The following GPN1 variants were observed in gnomAD, a reference collection of about 807,000 sequenced individuals.
GPN1 encodes the protein ATP(GTP)-binding protein.
A neutral mutation model predicts 55.9 loss-of-function variants in GPN1; 44 were observed. That is an observed-to-expected ratio of 0.79 (90% confidence interval 0.62 to 1.01). The LOEUF is 1.01. Ranked by LOEUF, GPN1 falls within the 50% of genes least tolerant of loss-of-function variation. The probability of loss-of-function intolerance (pLI) is 0.00; values close to 1 mark genes in which losing one functional copy is unlikely to be tolerated. For missense variants in GPN1, 466 were observed against 462.8 expected (o/e 1.01, Z -0.06); for synonymous variants, 179 against 162.5 (o/e 1.10, Z -0.77).
intron 9 of GPN1, 27 bp from the exon 10 acceptor site, chr2:27,640,016 A>T (rs1298717692): frequency 7.3e-7 from 1 of 1,377,470 alleles, no homozygotes; most frequent in Non-Finnish European, 1.0e-6. Flanking sequence ...TGGTTTCTTT[A>T]GTGGCATTTA....
At chr2:27,647,748 C>T in intron 12 of GPN1, 88 bp from the exon 13 acceptor site, 1 of 762,308 alleles carries the variant, frequency 1.3e-6, no homozygotes, top group Non-Finnish European at 2.3e-6. Context: ...TGAGCACTTT[C>T]ATCCTGCCAG....
chr2:27,639,033 T>C lies in GPN1; in HGVS notation c.717+2T>C, dbSNP rs774431430. On this transcript the variant is annotated splice_donor_variant, in intron 9 of 13. Coordinates refer to ENST00000610189, the MANE Select transcript of GPN1 (RefSeq NM_007266.4). LOFTEE classifies it high-confidence loss of function. ...GATGAGTTTTACAGCTCACTCAGGG[T>C]AAATTTTCTCTCCTGCTCACACTGA... The C allele has an allele frequency of 6.2e-7, 1 of 1,604,838 alleles. No individual in the cohort carries two copies.
Position 27,635,204 on chromosome 2 carries a change from C to A in GPN1, c.494C>A (p.Thr165Asn). 6.3e-7 allele frequency: 1 copy of A among 1,597,648 alleles called. No individual in the cohort carries two copies. The highest frequency in any genetic ancestry group is 8.6e-7 in the Non-Finnish European group (1 of 1,165,404). The change falls in exon 7 of 14, where the codon ACC (threonine) becomes AAC (asparagine). Residue 165 changes from threonine (T) to asparagine (N), a missense_variant. Thr to Asn is a moderately conservative substitution (Grantham distance 65). Transcript: ENST00000610189. ...MDTSRSTNPV[T>N]FMSNMLYACS... ...ACATCGAGAAGTACCAACCCAGTGA[C>A]CTTCATGTCCAACATGCTCTATGCC... is the stretch of plus-strand genomic sequence containing the variant.
At chr2:27,638,826 A>G in intron 8 of GPN1, 59 bp from the exon 9 acceptor site, 1 of 1,427,990 alleles carries the variant, frequency 7.0e-7, no homozygotes, top group Non-Finnish European at 9.6e-7. Context: ...CTTAATTAAA[A>G]GAATAAATTT....
intron 11 of GPN1, among the ~76,000 whole-genome samples, chr2:27,641,521 T>C (rs1406979682): frequency 6.6e-6 from 1 of 152,234 alleles, no homozygotes; most frequent in Non-Finnish European, 1.5e-5. Context: ...GTCTCCTTAA[T>C]GTTTCTTCCC....
intron 11 of GPN1, 61 bp from the exon 12 acceptor site, chr2:27,642,368 G>C: frequency 1.0e-6 from 1 of 963,680 alleles, no homozygotes; most frequent in Non-Finnish European, 1.7e-6. Flanking sequence ...CCACTGAGAA[G>C]TCTGGCATCT....
At chr2:27,630,504 C>T (rs770540774) in intron 2 of GPN1, among the ~76,000 whole-genome samples, 1 of 151,096 alleles carries the variant, frequency 6.6e-6, no homozygotes, top group Non-Finnish European at 1.5e-5. Flanking sequence ...ATCCTCCCAC[C>T]TCAGCCTCCT....
At chr2:27,629,333 C>A in intron 1 of GPN1, 164 bp downstream of exon 1, 1 of 1,512,462 alleles carries the variant, frequency 6.6e-7, no homozygotes, top group Non-Finnish European at 9.0e-7. Flanking sequence ...CCTCCTCGGG[C>A]CCTAGCCAGG....
rs1419636770 is a variant in GPN1, at chr2:27,642,952, T to TAC, written c.931+434_931+435insCA. ...TAAAGGAAATGTGGTTTTATATATA[T>TAC]ATATATACACACACACACACACACA... On this transcript the variant is annotated intron_variant, in intron 12 of 13. Coordinates refer to ENST00000610189, the MANE Select transcript of GPN1 (RefSeq NM_007266.4). Among the ~76,000 whole-genome samples, 82 of 38,046 alleles carry TAC rather than the reference T, an allele frequency of 2.2e-3. 1 individual carries two copies. The highest frequency in any genetic ancestry group is 4.0e-3 in the African/African-American group (79 of 19,544). The allele number at this position is 38,046 out of a possible 152,430, so 25.0% of individuals were successfully genotyped here. A position where few individuals can be genotyped will look rare whatever the true frequency, so the allele number is the denominator to read the frequency against.
intron 3 of GPN1, 48 bp from the exon 4 acceptor site, chr2:27,631,786 T>C: frequency 9.2e-7 from 1 of 1,091,330 alleles, no homozygotes. Flanking sequence ...AGGTATGAAC[T>C]TTATAATCTA....
chr2:27,628,381 A>G, upstream of GPN1: 1 of 1,549,610 alleles, frequency 6.5e-7, no homozygotes, highest in Non-Finnish European at 8.7e-7. Flanking sequence ...GCTCCCCTCC[A>G]GTACCTACTT....
intron 12 of GPN1, among the ~76,000 whole-genome samples, chr2:27,644,911 T>C (rs1448833281): frequency 6.6e-6 from 1 of 152,092 alleles, no homozygotes; most frequent in Non-Finnish European, 1.5e-5. Flanking sequence ...CATCTCTAAA[T>C]GTAGTAAAGT....
intron 4 of GPN1, 74 bp from the exon 5 acceptor site, chr2:27,632,559 T>G: frequency 2.0e-6 from 2 of 979,670 alleles, no homozygotes; most frequent in East Asian, 2.4e-5. Flanking sequence ...CTGTGAGGTA[T>G]GCCACCCTGG....
chr2:27,633,018 A>G (rs748414448), intron 5 of GPN1, among the ~76,000 whole-genome samples: 2 of 152,236 alleles, frequency 1.3e-5, no homozygotes, highest in Non-Finnish European at 2.9e-5. Flanking sequence ...AATATAGTCT[A>G]CATGGTTCAG....
chr2:27,649,961 T>C (rs1169967603), intron 13 of GPN1, among the ~76,000 whole-genome samples, 154 bp from the exon 14 acceptor site: 1 of 152,222 alleles, frequency 6.6e-6, no homozygotes, highest in Admixed American at 6.5e-5. Context: ...GGCAGCATGA[T>C]AGAGCATGCT....
chr2:27,639,705 T>A (rs903999974), intron 9 of GPN1, among the ~76,000 whole-genome samples: 5 of 152,072 alleles, frequency 3.3e-5, no homozygotes, highest in African/African-American at 1.2e-4. Flanking sequence ...TTATATTTTG[T>A]AGAGACTGGG....
intron 13 of GPN1, among the ~76,000 whole-genome samples, chr2:27,648,647 T>G (rs1674359507): frequency 6.6e-6 from 1 of 152,162 alleles, no homozygotes; most frequent in Non-Finnish European, 1.5e-5. Flanking sequence ...GTTACTATTA[T>G]TTTTTTGAGA....
In GPN1 at chr2:27,629,159, C is replaced by A; in HGVS notation, c.101C>A (p.Thr34Asn). 1 of 1,614,190 alleles carries A rather than the reference C, an allele frequency of 6.2e-7. No homozygotes were observed. Residue 34 changes from threonine (T) to asparagine (N), a missense_variant, in exon 1 of 14, where the codon ACT becomes AAT. By Grantham distance (65) the Thr-to-Asn change is moderately conservative. Coordinates refer to ENST00000610189, the MANE Select transcript of GPN1 (RefSeq NM_007266.4). ...GGAATGGCGGGATCCGGGAAAACCA[C>A]TTTTGTACAGGTGACGTACACAGCA... ...VLGMAGSGKT[T>N]FVQRLTGHLH...
chr2:27,629,402 G>A (rs1374953780), intron 1 of GPN1: 3 of 1,551,264 alleles, frequency 1.9e-6, no homozygotes, highest in Non-Finnish European at 2.6e-6. Flanking sequence ...TTACCACGTT[G>A]TACAGGAATT....
Sources: gnomAD v4.1 joint callset for allele counts (sites outside exome capture counted in the v4.1 genomes callset) on GRCh38, gnomAD v4.1.1 for gene constraint, MANE v1.5 for transcripts, NCBI Gene and HGNC (gene_info 2026-07-23, HGNC 2026-07-21) for gene names.